Variants in DPF3 observed in about 807,000 individuals in gnomAD.
The protein encoded by DPF3 is zinc finger protein DPF3.
DPF3 carries 18 observed loss-of-function variants against 56.8 expected under a neutral mutation model. That is an observed-to-expected ratio of 0.32 (90% CI 0.22 to 0.47). The LOEUF (loss-of-function observed/expected upper bound fraction) is 0.47. Ranked by LOEUF, DPF3 falls within the 20% of genes least tolerant of loss-of-function variation. The pLI, the probability that DPF3 is intolerant of heterozygous loss-of-function variation, is 1.00. For missense variants in DPF3, 403 were observed against 488.8 expected (o/e 0.82, Z 1.65); for synonymous variants, 188 against 180.2 (o/e 1.04, Z -0.35).
chr14:72,716,741 A>G (rs1888945016), intron 5 of DPF3, among the ~76,000 whole-genome samples: 1 of 152,226 alleles, frequency 6.6e-6, no homozygotes, highest in Non-Finnish European at 1.5e-5. Flanking sequence ...TCAGGCAGGC[A>G]GCGAGTCAGT....
chr14:72,723,156 A>C (rs1165980377), intron 5 of DPF3, among the ~76,000 whole-genome samples: 1 of 152,044 alleles, frequency 6.6e-6, no homozygotes, highest in Non-Finnish European at 1.5e-5. Flanking sequence ...ATTTAATATT[A>C]GGTATATCTC....
intron 7 of DPF3, chr14:72,679,428 G>C (rs181121037): frequency 6.5e-6 from 1 of 152,706 alleles, no homozygotes; most frequent in African/African-American, 2.4e-5. Flanking sequence ...GCGCGGCCAC[G>C]CTCGGTGCCC....
At chr14:72,620,036 C>T in intron 9 of DPF3, 52 bp from the exon 10 acceptor site, 1 of 1,478,664 alleles carries the variant, frequency 6.8e-7, no homozygotes, top group Non-Finnish European at 9.0e-7. Flanking sequence ...TTATTCGGGG[C>T]CAATGTCTGG....
chr14:72,741,940 C>A (rs972531474), intron 3 of DPF3, among the ~76,000 whole-genome samples: 1 of 152,236 alleles, frequency 6.6e-6, no homozygotes, highest in Non-Finnish European at 1.5e-5. Flanking sequence ...GCTGCCAGCC[C>A]ACCTCCTCGG....
At chr14:72,745,804 TGA>T (rs944548020) in intron 3 of DPF3, among the ~76,000 whole-genome samples, 1 of 152,182 alleles carries the variant, frequency 6.6e-6, no homozygotes, top group Non-Finnish European at 1.5e-5. Context: ...GCCAAAAAAC[TGA>T]GCTCTCCTTG....
chr14:72,838,630 C>T (rs890965457), intron 1 of DPF3, among the ~76,000 whole-genome samples: 2 of 151,276 alleles, frequency 1.3e-5, no homozygotes, highest in African/African-American at 2.4e-5. Context: ...GCCGAGGTGG[C>T]GGTGTAATCC....
At chr14:72,693,871 C>T (rs1412908398) in intron 6 of DPF3, among the ~76,000 whole-genome samples, 3 of 152,206 alleles carry the variant, frequency 2.0e-5, no homozygotes, top group Admixed American at 6.5e-5. Context: ...TCTCACCCAG[C>T]GATTTTGTGC....
intron 6 of DPF3, among the ~76,000 whole-genome samples, chr14:72,699,574 G>A (rs918947475): frequency 4.0e-5 from 6 of 150,634 alleles, no homozygotes; most frequent in African/African-American, 1.5e-4. Context: ...ACACAGGAGT[G>A]AGCAACATAA....
At chr14:72,619,482 C>T in intron 10 of DPF3, 115 bp from the exon 11 acceptor site, 1 of 1,214,792 alleles carries the variant, frequency 8.2e-7, no homozygotes, top group Non-Finnish European at 1.1e-6. Flanking sequence ...AATGCAGAAA[C>T]CAAGTCCCAG....
At chr14:72,657,636 C>G (rs1220967797) in intron 8 of DPF3, among the ~76,000 whole-genome samples, 1 of 152,042 alleles carries the variant, frequency 6.6e-6, no homozygotes, top group East Asian at 1.9e-4. Context: ...ACCACCACCA[C>G]CACCACCCCC....
chr14:72,833,446 T>G (rs1438721627), intron 1 of DPF3, among the ~76,000 whole-genome samples: 1 of 152,038 alleles, frequency 6.6e-6, no homozygotes, highest in African/African-American at 2.4e-5. Context: ...AAGCCCAGGA[T>G]GAATATGTGC....
chr14:72,764,732 C>A (rs915301995), intron 2 of DPF3, among the ~76,000 whole-genome samples: 7 of 152,012 alleles, frequency 4.6e-5, no homozygotes, highest in African/African-American at 1.7e-4. Flanking sequence ...ACCTCATGAT[C>A]CACCCGCCTC....
intron 2 of DPF3, among the ~76,000 whole-genome samples, chr14:72,757,969 A>C (rs1005890577): frequency 6.6e-6 from 1 of 152,176 alleles, no homozygotes; most frequent in South Asian, 2.1e-4. Flanking sequence ...AAAGCTAAAA[A>C]AAATTACCTA....
chr14:72,831,588 C>T (rs1427058070), intron 1 of DPF3, among the ~76,000 whole-genome samples: 1 of 152,172 alleles, frequency 6.6e-6, no homozygotes, highest in Non-Finnish European at 1.5e-5. Context: ...GAAACTGAGG[C>T]TCAGAGAGGG....
chr14:72,844,855 G>T (rs2140073597), intron 1 of DPF3, among the ~76,000 whole-genome samples: 1 of 152,290 alleles, frequency 6.6e-6, no homozygotes, highest in East Asian at 1.9e-4. Flanking sequence ...AGGTATGGTG[G>T]CTCATACCTG....
chr14:72,705,433 A>G (rs1888361349), intron 6 of DPF3, among the ~76,000 whole-genome samples: 1 of 152,104 alleles, frequency 6.6e-6, no homozygotes, highest in African/African-American at 2.4e-5. Context: ...ATATATTACA[A>G]TGTAATAATC....
chr14:72,663,335 T>A (rs1886305708), intron 8 of DPF3, among the ~76,000 whole-genome samples: 2 of 152,056 alleles, frequency 1.3e-5, no homozygotes, highest in African/African-American at 2.4e-5. Flanking sequence ...GAAAACCCCA[T>A]CAGATGCCTC....
At chr14:72,770,083 G>C (rs1209419120) in intron 2 of DPF3, among the ~76,000 whole-genome samples, 1 of 152,092 alleles carries the variant, frequency 6.6e-6, no homozygotes, top group Non-Finnish European at 1.5e-5. Flanking sequence ...AAAGAATCTA[G>C]GCAATTATCA....
At chr14:72,708,367 C>G (rs1888506167) in intron 6 of DPF3, among the ~76,000 whole-genome samples, 1 of 152,168 alleles carries the variant, frequency 6.6e-6, no homozygotes, top group Admixed American at 6.5e-5. Flanking sequence ...CAATCCCATG[C>G]CACAAGCCCC....
Sources: allele counts gnomAD v4.1 joint callset (sites outside exome capture counted in the v4.1 genomes callset), GRCh38; gene constraint gnomAD v4.1.1; transcripts MANE v1.5; gene names NCBI Gene and HGNC (gene_info 2026-07-23, HGNC 2026-07-21).